Variants in CNN2 observed in about 807,000 individuals in gnomAD.
The protein encoded by CNN2 is calponin 2.
In CNN2, 21 loss-of-function variants were observed where a neutral mutation model predicts 31.0. The ratio of observed to expected loss-of-function variants is 0.68; its 90% CI spans 0.48 to 0.98. CNN2 has a LOEUF of 0.98. CNN2 is among the 50% of genes least tolerant of loss of function. CNN2 has a pLI of 0.00. For synonymous variants in CNN2, 165 were observed against 179.6 expected, an observed-to-expected ratio of 0.92 and a Z score of 0.65; for missense variants, 399 against 427.3, an observed-to-expected ratio of 0.93 and a Z score of 0.58.
intron 5 of CNN2, 57 bp from the exon 6 acceptor site, chr19:1,036,359 G>A: frequency 1.9e-6 from 3 of 1,593,732 alleles, no homozygotes; most frequent in Non-Finnish European, 2.6e-6. Flanking sequence ...TCAATTTCAG[G>A]GAGGGACCGG....
At chr19:1,035,630 G>A (rs2039569036) in intron 4 of CNN2, among the ~76,000 whole-genome samples, 1 of 152,190 alleles carries the variant, frequency 6.6e-6, no homozygotes, top group Non-Finnish European at 1.5e-5. Context: ...CTGGGATGAA[G>A]CAGCCCCATG....
chr19:1,036,703 C>T, intron 6 of CNN2, 141 bp downstream of exon 6: 6 of 1,016,216 alleles, frequency 5.9e-6, no homozygotes, highest in Non-Finnish European at 9.0e-6. Context: ...GGCTTCCCTC[C>T]CCGCTCTCTG....
intron 1 of CNN2, chr19:1,027,083 A>C: frequency 1.8e-5 from 4 of 219,546 alleles, no homozygotes; most frequent in Non-Finnish European, 2.7e-5. Context: ...AGGTCCGACA[A>C]CGCTCTGGGG....
At chr19:1,030,518 C>A (rs561418585) in intron 1 of CNN2, among the ~76,000 whole-genome samples, 1 of 152,018 alleles carries the variant, frequency 6.6e-6, no homozygotes, top group African/African-American at 2.4e-5. Context: ...CCCAGCTACT[C>A]GGGAGGCTGA....
At chr19:1,030,944 G>A in intron 1 of CNN2, 127 bp from the exon 2 acceptor site, 2 of 1,206,546 alleles carry the variant, frequency 1.7e-6, no homozygotes, top group Non-Finnish European at 2.3e-6. Context: ...TGGTGAGGGG[G>A]GACCTCCAGG....
chr19:1,030,904 T>G, intron 1 of CNN2, 167 bp from the exon 2 acceptor site: 2 of 848,546 alleles, frequency 2.4e-6, no homozygotes, highest in Non-Finnish European at 3.6e-6. Flanking sequence ...GCGCCCCCAA[T>G]GATGGGAAAA....
chr19:1,026,682 C>T lies in CNN2; in HGVS notation c.21C>T (p.Asn7=), dbSNP rs1303238954. The stretch of plus-strand genomic sequence containing the variant: ...CAGCCATGAGCTCCACGCAGTTCAA[C>T]AAGGGCCCCTCGTACGGGCTGTCGG... The part of the protein sequence containing the change: MSSTQF[N]KGPSYGLSAE... Residue 7 remains asparagine (N), a synonymous_variant, in exon 1 of 7, where the codon AAC becomes AAT. Transcript: ENST00000263097. 5 of 1,549,002 alleles carry T rather than the reference C, an allele frequency of 3.2e-6. No homozygotes were observed. In the South Asian group the frequency reaches 5.9e-5, roughly 18 times the overall value.
chr19:1,032,263 G>T, intron 2 of CNN2, 129 bp from the exon 3 acceptor site: 21 of 940,558 alleles, frequency 2.2e-5, no homozygotes, highest in Non-Finnish European at 3.2e-5. Context: ...AGTGGAAACT[G>T]AGGCCCAGAG....
At chr19:1,030,137 C>T (rs1054466749) in intron 1 of CNN2, among the ~76,000 whole-genome samples, 48 of 152,304 alleles carry the variant, frequency 3.2e-4, no homozygotes, top group African/African-American at 9.1e-4. Flanking sequence ...GATAGGGACA[C>T]TCGAGGTCCC....
intron 1 of CNN2, among the ~76,000 whole-genome samples, chr19:1,029,369 C>T (rs1274339869): frequency 3.5e-5 from 3 of 86,374 alleles, no homozygotes; most frequent in Non-Finnish European, 6.2e-5. Context: ...AGGTCTAGCT[C>T]AGGGGACCCT....
chr19:1,027,246 TGG>T (rs1225159034), intron 1 of CNN2, among the ~76,000 whole-genome samples: 1 of 152,180 alleles, frequency 6.6e-6, no homozygotes, highest in African/African-American at 2.4e-5. Context: ...TGGGACACCT[TGG>T]GGGTGTCTTG....
intron 1 of CNN2, among the ~76,000 whole-genome samples, chr19:1,028,020 G>A (rs1241335049): frequency 6.6e-6 from 1 of 152,228 alleles, no homozygotes; most frequent in East Asian, 1.9e-4. Context: ...CCTCCTTCAA[G>A]GGGCCATCTG....
chr19:1,036,283 A>C (rs1286546599), intron 5 of CNN2, 37 bp downstream of exon 5: 2 of 1,568,074 alleles, frequency 1.3e-6, no homozygotes, highest in African/African-American at 2.7e-5. Flanking sequence ...GGACCACGGC[A>C]TTGGGGGACC....
At chr19:1,037,478 G>A in intron 6 of CNN2, 147 bp from the exon 7 acceptor site, 1 of 986,172 alleles carries the variant, frequency 1.0e-6, no homozygotes, top group Non-Finnish European at 1.5e-6. Context: ...CACCGTGTTG[G>A]CCAGGCTGGA....
chr19:1,037,810 CG>C lies in CNN2; in HGVS notation c.841del (p.Asp281MetfsTer59). 1 of 1,606,792 alleles carries C rather than the reference CG, an allele frequency of 6.2e-7. No homozygotes were observed. Among genetic ancestry groups the C allele is most frequent in the South Asian group, 1.1e-5 (1 of 90,944 alleles). ...PKYCPQGTVA[D>X]GAPSGTGDCP... The stretch of plus-strand genomic sequence containing the variant: ...AGTACTGCCCGCAAGGCACAGTGGC[CG>C]ATGGGGCTCCCTCGGGCACCGGCGA... On this transcript the variant is annotated frameshift_variant, in exon 7 of 7. Transcript: ENST00000263097. LOFTEE classifies it low-confidence loss of function (END_TRUNC).
rs781733009 is a variant in CNN2, at chr19:1,037,627, G to A, written c.657G>A (p.Val219=). 7 of 1,610,948 alleles carry A rather than the reference G, an allele frequency of 4.3e-6. No homozygotes were observed. The South Asian group carries it at 7.7e-5, about 18-fold the overall frequency. The change falls in exon 7 of 7, where the codon GTG becomes GTA. Residue 219 remains valine (V), a splice_region_variant and synonymous_variant. Coordinates refer to ENST00000263097, the MANE Select transcript of CNN2 (RefSeq NM_004368.4). ...CTCCACCCCTCCTTCCTCTCCAGGT[G>A]GGCATGACGGCTCCCGGGACCCGGC... The part of the protein sequence containing the change: ...QMGTNKCASQ[V]GMTAPGTRRH...
chr19:1,036,019 G>A (rs930232), intron 4 of CNN2, 111 bp from the exon 5 acceptor site: 644,753 of 1,432,992 alleles, frequency 0.45, 146,103 homozygotes, highest in Middle Eastern at 0.54. Context: ...GGCTCTGCGC[G>A]GCAGGCAGAG....
chr19:1,030,612 T>C (rs541969730), intron 1 of CNN2, among the ~76,000 whole-genome samples: 14 of 151,622 alleles, frequency 9.2e-5, no homozygotes, highest in South Asian at 2.1e-4. Flanking sequence ...GGCGACAGAG[T>C]GAGACTCTGT....
In CNN2 at chr19:1,029,205, T is replaced by C. The variant is rs530415104; in HGVS notation, c.64-1866T>C. ...CTACCCAAATCATTCCAGGCAGATC[T>C]AGCTCAGGGGACCCTAACCCAAATC... On this transcript the variant is annotated intron_variant, in intron 1 of 6. Transcript: ENST00000263097. Among the ~76,000 whole-genome samples the C allele has an allele frequency of 1.3e-4, 10 of 75,418 alleles. 1 individual carries two copies. In the South Asian group the frequency reaches 1.9e-3, roughly 14 times the overall value. 49.5% of individuals were successfully genotyped at this position (75,418 alleles called of 152,430 possible). A position where few individuals can be genotyped will look rare whatever the true frequency, so the allele number is the denominator to read the frequency against.
Sources: gnomAD v4.1 joint callset for allele counts (sites outside exome capture counted in the v4.1 genomes callset) on GRCh38, gnomAD v4.1.1 for gene constraint, MANE v1.5 for transcripts, NCBI Gene and HGNC (gene_info 2026-07-23, HGNC 2026-07-21) for gene names.